Variants in SCRIB observed in about 807,000 individuals in gnomAD.
The protein encoded by SCRIB is scribble planar cell polarity protein.
Under a neutral mutation model 170.0 loss-of-function variants are expected in SCRIB, and 72 were observed. The ratio of observed to expected loss-of-function variants is 0.42; its 90% CI spans 0.35 to 0.52. SCRIB has a LOEUF of 0.52. Among genes scored for constraint, SCRIB ranks in the 20% least tolerant of loss-of-function variants. The pLI, the probability that SCRIB is intolerant of heterozygous loss-of-function variation, is 0.02. For synonymous variants in SCRIB, 1,298 were observed against 1,044.3 expected, an observed-to-expected ratio of 1.24 and a Z score of -4.68; for missense variants, 2,475 against 2,338.5, an observed-to-expected ratio of 1.06 and a Z score of -1.20.
intron 24 of SCRIB, among the ~76,000 whole-genome samples, chr8:143,796,890 C>G (rs1265379522): frequency 1.3e-5 from 2 of 152,178 alleles, no homozygotes; most frequent in African/African-American, 4.8e-5. Context: ...AAAGGCAGAC[C>G]CGGGTGCTGA....
Position 143,803,832 on chromosome 8 carries a change from C to T in SCRIB, c.3229G>A (p.Ala1077Thr). 6.2e-7 allele frequency: 1 copy of T among 1,604,094 alleles called. No homozygotes were observed. ...AGCTCCAGGCAGGGCCGGAGCAGGG[C>T]ACTGACTGCTTCTTGGTGCGTGGCA... ...RDATHQEAVS[A>T]LLRPCLELSL... The change falls in exon 23 of 37, where the codon GCC becomes ACC. Residue 1077 changes from alanine to threonine, a missense_variant. Around this residue, in one of 3 missense-constraint regions of SCRIB, gnomAD observed 1,966 missense variants for 1,742.9 expected, o/e 1.13. Coordinates refer to ENST00000356994, the MANE Select transcript of SCRIB (RefSeq NM_182706.5).
intron 27 of SCRIB, 147 bp downstream of exon 27, chr8:143,794,891 G>T: frequency 2.9e-6 from 2 of 681,920 alleles, no homozygotes; most frequent in Non-Finnish European, 5.0e-6. Flanking sequence ...TGCCAGGCTG[G>T]GGTAGCCTGC....
rs1293629227 is a variant in SCRIB at position 143,810,994 on chromosome 8, C to G, written c.1185G>C (p.Met395Ile). ...CATCATCCTCCGTCTGGAACCGGAG[C>G]ATGGGCTGCGCCTGGTTCTCTGCCA... The part of the protein sequence containing the change: ...LWLAENQAQP[M>I]LRFQTEDDAR... The change falls in exon 11 of 37, where the codon ATG becomes ATC. Residue 395 changes from methionine to isoleucine, a missense_variant. Physicochemically the swap from Met to Ile is conservative, Grantham distance 10. Around this residue, in one of 3 missense-constraint regions of SCRIB, gnomAD observed 487 missense variants for 558.1 expected, o/e 0.87. Coordinates refer to ENST00000356994, the MANE Select transcript of SCRIB (RefSeq NM_182706.5). 1.2e-6 allele frequency: 2 copies of G among 1,611,470 alleles called. No individual in the cohort carries two copies. Among genetic ancestry groups the G allele is most frequent in the Admixed American group, 1.7e-5 (1 of 59,842 alleles).
At chr8:143,812,234 C>T (rs1815766738) in intron 9 of SCRIB, 32 bp downstream of exon 9, 1 of 1,404,266 alleles carries the variant, frequency 7.1e-7, no homozygotes, top group African/African-American at 1.4e-5. Context: ...CCCGACGGCC[C>T]CATCCTTTCT....
chr8:143,807,096 G>T, intron 16 of SCRIB, 83 bp from the exon 17 acceptor site: 1 of 1,007,048 alleles, frequency 9.9e-7, no homozygotes, highest in Non-Finnish European at 1.5e-6. Context: ...CCAGCACGCA[G>T]ATGCCATTTC....
In SCRIB at chr8:143,806,471, G is replaced by C. The variant is rs1554636611; in HGVS notation, c.2282C>G (p.Ser761Cys). The part of the protein sequence containing the change: ...YKGDDEGIFI[S>C]RVSEEGPAAR... ...CGCAGGGCCTTCCTCGGACACCCGAGAGATGAATATGCCCTAGGGCACAGA... is the reference window on the plus strand; with the variant it reads ...CGCAGGGCCTTCCTCGGACACCCGACAGATGAATATGCCCTAGGGCACAGA... Residue 761 changes from serine to cysteine, a missense_variant, in exon 18 of 37, where the codon TCT (serine) becomes TGT (cysteine). By Grantham distance (112) the Ser-to-Cys change is moderately radical. This residue lies in a region of SCRIB where 1,966 missense variants were observed against 1,742.9 expected (regional missense o/e 1.13). Coordinates refer to ENST00000356994, the MANE Select transcript of SCRIB (RefSeq NM_182706.5). 1 of 1,598,898 alleles carries C rather than the reference G, an allele frequency of 6.3e-7. No homozygotes were observed. The highest frequency in any genetic ancestry group is 1.1e-5 in the South Asian group (1 of 88,612).
At position 143,806,499 on chromosome 8, in the gene SCRIB, C is replaced by T. The variant is rs1169178484; in HGVS notation, c.2269-15G>A. The T allele has an allele frequency of 8.9e-6, 14 of 1,579,648 alleles. No individual in the cohort carries two copies. The Admixed American group carries it at 8.9e-5, about 10-fold the overall frequency. ...ATGAATATGCCCTAGGGCACAGACA[C>T]GAGCTTGGCAGGGGCCAGGGAGACG... On this transcript the variant is annotated splice_polypyrimidine_tract_variant and intron_variant, in intron 17 of 36. Coordinates refer to ENST00000356994, the MANE Select transcript of SCRIB (RefSeq NM_182706.5).
In SCRIB at chr8:143,792,542, C is replaced by T; in HGVS notation, c.4271G>A (p.Gly1424Asp). Residue 1424 changes from glycine (G) to aspartate (D), a missense_variant, in exon 31 of 37, where the codon GGC becomes GAC. Gly to Asp is a moderately conservative substitution (Grantham distance 94, BLOSUM62 -1). This residue lies in a region of SCRIB where 1,966 missense variants were observed against 1,742.9 expected (regional missense o/e 1.13). Coordinates refer to ENST00000356994, the MANE Select transcript of SCRIB (RefSeq NM_182706.5). ...ARLALDGETL[G>D]EEEQEDEQPP... Reference sequence around the variant, plus strand: ...CTGCTCATCCTCCTGTTCCTCCTCGCCCAGCGTCTCCCCGTCCAGGGCGAG... The same window carrying T: ...CTGCTCATCCTCCTGTTCCTCCTCGTCCAGCGTCTCCCCGTCCAGGGCGAG... 6.4e-7 allele frequency: 1 copy of T among 1,559,172 alleles called. No homozygotes were observed. The highest frequency in any genetic ancestry group is 8.6e-7 in the Non-Finnish European group (1 of 1,159,546).
rs148494356 is a variant in SCRIB, at chr8:143,795,484, T to G, written c.3650A>C (p.His1217Pro). The change falls in exon 25 of 37, where the codon CAC (histidine) becomes CCC (proline). Residue 1217 changes from histidine to proline, a missense_variant. By Grantham distance (77) the His-to-Pro change is moderately conservative. Coordinates refer to ENST00000356994, the MANE Select transcript of SCRIB (RefSeq NM_182706.5). ...IANPFAAGIG[H>P]RNSLESISSI... ...AGAGATGCTCTCCAGGCTGTTCCGG[T>G]GGCCGATGCCTGCCGCAAAGGGGTT... The G allele has an allele frequency of 0.018, 28,697 of 1,613,014 alleles. 465 individuals are homozygous for G. Among genetic ancestry groups the G allele is most frequent in the Middle Eastern group, 0.058 (349 of 6,058 alleles).
chr8:143,807,422 A>T (rs1815477567), intron 16 of SCRIB, 130 bp downstream of exon 16: 2 of 817,170 alleles, frequency 2.4e-6, no homozygotes, highest in African/African-American at 3.3e-5. Flanking sequence ...CCTGGAGCCC[A>T]GCTGGATCTG....
At position 143,792,728 on chromosome 8, in the gene SCRIB, C is replaced by A. The variant is rs369926247; in HGVS notation, c.4157G>T (p.Arg1386Leu). 6.3e-7 allele frequency: 1 copy of A among 1,589,590 alleles called. No homozygotes were observed. Residue 1386 changes from arginine (R) to leucine (L), a missense_variant, in exon 30 of 37, where the codon CGG (arginine) becomes CTG (leucine). By Grantham distance (102) the Arg-to-Leu change is moderately radical. Coordinates refer to ENST00000356994, the MANE Select transcript of SCRIB (RefSeq NM_182706.5). ...CTCACCTTCCTCCTCCTGCATCTTC[C>A]GCAGGTCGTCAGCACCCACCAGGGA... ...RVSLVGADDL[R>L]KMQEEEARKL...
intron 24 of SCRIB, among the ~76,000 whole-genome samples, chr8:143,795,927 G>A (rs782418850): frequency 6.6e-6 from 1 of 152,270 alleles, no homozygotes; most frequent in African/African-American, 2.4e-5. Flanking sequence ...CGGCCCCCTC[G>A]GGTGGAAAGG....
chr8:143,792,848 GC>G lies in SCRIB; in HGVS notation c.4036del (p.Ala1346GlnfsTer161). ...APAQPPTPGP[A>X]ASPEQLSFRE... ...GAAGGACAGCTGCTCCGGGGAGGCT[GC>G]AGGCCCAGGCGTGGGGGGCTGGGGG... On this transcript the variant is annotated frameshift_variant, in exon 30 of 37. Coordinates refer to ENST00000356994, the MANE Select transcript of SCRIB (RefSeq NM_182706.5). LOFTEE classifies it high-confidence loss of function. 1 of 1,525,406 alleles carries G rather than the reference GC, an allele frequency of 6.6e-7. No individual in the cohort carries two copies. 94.5% of individuals were successfully genotyped at this position (1,525,406 alleles called of 1,614,324 possible). A position where few individuals can be genotyped will look rare whatever the true frequency, so the allele number is the denominator to read the frequency against.
At chr8:143,807,727 CCCT>C in intron 15 of SCRIB, 113 bp from the exon 16 acceptor site, 1 of 843,900 alleles carries the variant, frequency 1.2e-6, no homozygotes, top group Non-Finnish European at 2.0e-6. Flanking sequence ...ACAGCAAGCT[CCCT>C]CGACTGCCCT....
intron 13 of SCRIB, among the ~76,000 whole-genome samples, 191 bp from the exon 14 acceptor site, chr8:143,809,909 G>C (rs1050551728): frequency 6.6e-6 from 1 of 152,106 alleles, no homozygotes; most frequent in Non-Finnish European, 1.5e-5. Flanking sequence ...CAAAGCCTAG[G>C]GTGGACAAAG....
At position 143,815,406 on chromosome 8, in the gene SCRIB, C is replaced by A; in HGVS notation, c.-34G>T. ...TGGGCGGCGCGGGCTCCGGCGGCGG[C>A]GCTCGGCGGGCTCGGGGCCGGGGGG... On this transcript the variant is annotated 5_prime_UTR_variant, in exon 1 of 37. Transcript: ENST00000356994. 1 of 1,251,702 alleles carries A rather than the reference C, an allele frequency of 8.0e-7. No homozygotes were observed. 77.5% of individuals were successfully genotyped at this position (1,251,702 alleles called of 1,614,324 possible).
intron 8 of SCRIB, among the ~76,000 whole-genome samples, 186 bp from the exon 9 acceptor site, chr8:143,812,570 G>A (rs1166124057): frequency 6.6e-6 from 1 of 152,038 alleles, no homozygotes; most frequent in East Asian, 1.9e-4. Context: ...GAAAACACCA[G>A]GCCCCAGTGG....
At position 143,793,846 on chromosome 8, in the gene SCRIB, T is replaced by C. The variant is rs1814821476; in HGVS notation, c.3909+54A>G. 4 of 1,572,852 alleles carry C rather than the reference T, an allele frequency of 2.5e-6. No homozygotes were observed. The African/African-American group carries it at 4.1e-5, about 16-fold the overall frequency. On this transcript the variant is annotated intron_variant, in intron 28 of 36. Transcript: ENST00000356994. ...GGAGGGGCCCTGTGCACAGCGGCCATCTGCCCTGCCCTCCACCCACCATGG... is the reference window on the plus strand; with the variant it reads ...GGAGGGGCCCTGTGCACAGCGGCCACCTGCCCTGCCCTCCACCCACCATGG...
In SCRIB at chr8:143,805,380, C is replaced by A; in HGVS notation, c.2402G>T (p.Arg801Leu). The A allele has an allele frequency of 6.5e-7, 1 of 1,547,346 alleles. No individual in the cohort carries two copies. Among genetic ancestry groups the A allele is most frequent in the East Asian group, 2.4e-5 (1 of 41,568 alleles). The change falls in exon 19 of 37, where the codon CGG becomes CTG. Residue 801 changes from arginine (R) to leucine (L), a missense_variant. By Grantham distance (102) the Arg-to-Leu change is moderately radical. This residue lies in a region of SCRIB where 1,966 missense variants were observed against 1,742.9 expected (regional missense o/e 1.13). Transcript: ENST00000356994. ...CATCTGCACGGCAGTGCCGGCCCCC[C>A]GGAGCGCCTCCACGGCCTCGTGGTG... ...AEHHEAVEAL[R>L]GAGTAVQMRV...
Sources: allele counts gnomAD v4.1 joint callset (sites outside exome capture counted in the v4.1 genomes callset), GRCh38; gene constraint gnomAD v4.1.1; regional missense constraint gnomAD v4.1.1; transcripts MANE v1.5; gene names NCBI Gene and HGNC (gene_info 2026-07-23, HGNC 2026-07-21).